Variants in UNC13C observed in about 807,000 individuals in gnomAD.
UNC13C encodes the protein protein unc-13 homolog C.
Under a neutral mutation model 245.4 loss-of-function variants are expected in UNC13C, and 174 were observed. That is an observed-to-expected ratio of 0.71 (90% CI 0.63 to 0.80). UNC13C has a LOEUF of 0.80. Ranked by LOEUF, UNC13C falls within the 30% of genes least tolerant of loss-of-function variation. The pLI is 0.00. For synonymous variants in UNC13C, 992 were observed against 895.1 expected (o/e 1.11, Z -1.93); for missense variants, 2,829 against 2,602.9 (o/e 1.09, Z -1.89).
At chr15:53,894,572 G>A in the UNC13C span, among the ~76,000 whole-genome samples, 2 of 152,152 alleles carry the variant, frequency 1.3e-5, no homozygotes, top group African/African-American at 4.8e-5. Context: ...GCCTTGAATG[G>A]AGGCATGATG....
At position 54,051,239 on chromosome 15, in the gene UNC13C, C is replaced by T. The variant is rs900894705; in HGVS notation, c.2983+35353C>T. ...ACTTTTTTTTCTAATATTTTTATAA[C>T]TTCATGTATTTCATTTGTATTCTTG... On this transcript the variant is annotated intron_variant, in intron 2 of 32. Transcript: ENST00000260323. Among the ~76,000 whole-genome samples the T allele has an allele frequency of 5.9e-5, 9 of 151,956 alleles. No homozygotes were observed. The East Asian group carries it at 1.7e-3, about 29-fold the overall frequency.
At chr15:53,873,525 C>A in the UNC13C span, among the ~76,000 whole-genome samples, 1 of 152,146 alleles carries the variant, frequency 6.6e-6, no homozygotes, top group Admixed American at 6.6e-5. Context: ...TCCTTTCCCT[C>A]CCCTCTTTTG....
At chr15:54,522,123 A>C (rs1895244388) in intron 24 of UNC13C, among the ~76,000 whole-genome samples, 1 of 151,884 alleles carries the variant, frequency 6.6e-6, no homozygotes, top group African/African-American at 2.4e-5. Flanking sequence ...TTTAAAGAAA[A>C]AGGAAAAGTA....
At chr15:54,397,034 A>G (rs1022844458) in intron 18 of UNC13C, among the ~76,000 whole-genome samples, 1 of 151,290 alleles carries the variant, frequency 6.6e-6, no homozygotes, top group Non-Finnish European at 1.5e-5. Context: ...AAAAATTTTG[A>G]TGGAATAGTC....
chr15:54,064,338 A>G (rs1004176104), intron 2 of UNC13C, among the ~76,000 whole-genome samples: 4 of 152,182 alleles, frequency 2.6e-5, no homozygotes, highest in South Asian at 2.1e-4. Context: ...TGCTAAAAAG[A>G]TTACAAAAAT....
intron 17 of UNC13C, among the ~76,000 whole-genome samples, chr15:54,390,134 G>A (rs979492618): frequency 1.3e-5 from 2 of 152,160 alleles, no homozygotes; most frequent in African/African-American, 2.4e-5. Flanking sequence ...TACATTGAAT[G>A]CCACAGAAAT....
chr15:54,461,520 C>T (rs1033499984), intron 19 of UNC13C, among the ~76,000 whole-genome samples: 3 of 152,064 alleles, frequency 2.0e-5, no homozygotes, highest in Non-Finnish European at 1.5e-5. Flanking sequence ...GTGTGATGTT[C>T]TTTAATCTCC....
At chr15:54,048,710 C>A (rs1765143477) in intron 2 of UNC13C, 1 of 287,708 alleles carries the variant, frequency 3.5e-6, no homozygotes, top group South Asian at 4.3e-5. Flanking sequence ...CATCATCTTC[C>A]CATTTTGAAC....
the UNC13C span, among the ~76,000 whole-genome samples, chr15:53,926,133 A>G: frequency 2.6e-5 from 4 of 151,852 alleles, no homozygotes; most frequent in South Asian, 6.2e-4. Flanking sequence ...TTTTTTTTCA[A>G]TGGGGTTAGT....
chr15:54,066,929 GTTTTC>G (rs888301423), intron 2 of UNC13C, among the ~76,000 whole-genome samples: 26 of 151,916 alleles, frequency 1.7e-4, no homozygotes, highest in African/African-American at 5.5e-4. Flanking sequence ...CAGAAAAATT[GTTTTC>G]TTTTTTTTTT....
At position 54,525,617 on chromosome 15, in the gene UNC13C, C is replaced by T. The variant is rs910066069; in HGVS notation, c.5526C>T (p.Leu1842=). The T allele has an allele frequency of 6.8e-6, 11 of 1,612,506 alleles. No homozygotes were observed. The highest frequency in any genetic ancestry group is 9.3e-6 in the Non-Finnish European group (11 of 1,179,300). The change falls in exon 25 of 33, where the codon CTC becomes CTT. Residue 1842 remains leucine, a synonymous_variant. Coordinates refer to ENST00000260323, the MANE Select transcript of UNC13C (RefSeq NM_001080534.3). ...AGCTCAGTGGGGTCCTGGATGAGCT[C>T]AGCGTCACTTATGGTGAAAGGTAAG... ...QVKLSGVLDE[L]SVTYGESFQV... is the part of the protein sequence containing the mutation.
intron 4 of UNC13C, among the ~76,000 whole-genome samples, chr15:54,186,109 C>A (rs1182089994): frequency 6.6e-6 from 1 of 151,526 alleles, no homozygotes; most frequent in Non-Finnish European, 1.5e-5. Context: ...GTGATTTTTG[C>A]ACATTGATTT....
At chr15:54,531,150 T>C (rs77875875) in intron 25 of UNC13C, among the ~76,000 whole-genome samples, 6,940 of 152,184 alleles carry the variant, frequency 0.046, 541 homozygotes, top group African/African-American at 0.16. Flanking sequence ...AGTGGAAAGA[T>C]TGCATGGGCA....
At chr15:54,003,526 T>A (rs1894995602) in intron 1 of UNC13C, among the ~76,000 whole-genome samples, 1 of 152,150 alleles carries the variant, frequency 6.6e-6, no homozygotes, top group Admixed American at 6.6e-5. Flanking sequence ...TTCTCAGACT[T>A]TAATTTTTAA....
At chr15:54,605,325 C>G (rs1267845821) in intron 30 of UNC13C, among the ~76,000 whole-genome samples, 1 of 152,106 alleles carries the variant, frequency 6.6e-6, no homozygotes, top group Non-Finnish European at 1.5e-5. Context: ...GAGCCAATCC[C>G]CAGTCTTAAT....
intron 30 of UNC13C, among the ~76,000 whole-genome samples, chr15:54,621,242 C>G (rs1441388248): frequency 1.3e-5 from 2 of 152,024 alleles, no homozygotes; most frequent in Admixed American, 1.3e-4. Flanking sequence ...CTTTATTAAT[C>G]TAATACATTG....
At position 54,261,514 on chromosome 15, in the gene UNC13C, T is replaced by TTTTG. The variant is rs556966913; in HGVS notation, c.3449-2642_3449-2639dup. ...TGATCAAAAATGCAAAAGTAGAAAT[T>TTTTG]TTTGTTTGTTTGTTTTGTTTTGTTT... On this transcript the variant is annotated intron_variant, in intron 8 of 32. Coordinates refer to ENST00000260323, the MANE Select transcript of UNC13C (RefSeq NM_001080534.3). Among the ~76,000 whole-genome samples, 498 of 146,846 alleles carry TTTTG rather than the reference T, an allele frequency of 3.4e-3. 5 individuals are homozygous for TTTTG. The highest frequency in any genetic ancestry group is 0.012 in the African/African-American group (472 of 38,168).
chr15:54,276,523 A>G (rs1454812507), intron 10 of UNC13C, among the ~76,000 whole-genome samples: 1 of 152,122 alleles, frequency 6.6e-6, no homozygotes, highest in East Asian at 1.9e-4. Flanking sequence ...CAACACATCT[A>G]AAATCTAAAA....
At chr15:53,859,175 T>C in the UNC13C span, among the ~76,000 whole-genome samples, 93,550 of 151,952 alleles carry the variant, frequency 0.62, 29,067 homozygotes, top group East Asian at 0.76. Context: ...ATGAAGTCTT[T>C]GTAATATTTT....
Sources: gnomAD v4.1 joint callset for allele counts (sites outside exome capture counted in the v4.1 genomes callset) on GRCh38, gnomAD v4.1.1 for gene constraint, MANE v1.5 for transcripts, NCBI Gene and HGNC (gene_info 2026-07-23, HGNC 2026-07-21) for gene names.